DLC1: variants seen among roughly 807,000 people sequenced by gnomAD.
The protein encoded by DLC1 is DLC1 Rho GTPase activating protein.
Under a neutral mutation model 140.3 loss-of-function variants are expected in DLC1, and 54 were observed. That is an observed-to-expected ratio of 0.38 (90% CI 0.31 to 0.48). DLC1 has a LOEUF of 0.48. Among genes scored for constraint, DLC1 ranks in the 20% least tolerant of loss-of-function variants. The pLI is 0.96. For missense variants in DLC1, 2,536 were observed against 1,907.0 expected (o/e 1.33, Z -6.14); for synonymous variants, 986 against 728.1 (o/e 1.35, Z -5.70).
intron 7 of DLC1, among the ~76,000 whole-genome samples, chr8:13,108,364 T>G (rs1819773603): frequency 6.6e-6 from 1 of 152,222 alleles, no homozygotes; most frequent in Non-Finnish European, 1.5e-5. Context: ...TAAGATGTTA[T>G]TCTATGCAGG....
At position 13,514,602 on chromosome 8, in the gene DLC1, C is replaced by A. The variant is rs1802522629; in HGVS notation, c.-126G>T. ...ATAAAGATAGTCCATAGCGTCTTACCTAGACAACGAGGAGCTGAAACGCCA... is the reference window on the plus strand; with the variant it reads ...ATAAAGATAGTCCATAGCGTCTTACATAGACAACGAGGAGCTGAAACGCCA... On this transcript the variant is annotated splice_region_variant and 5_prime_UTR_variant, in exon 1 of 18. The change creates a new upstream start codon in the 5' untranslated region. Coordinates refer to ENST00000276297, the MANE Select transcript of DLC1 (RefSeq NM_182643.3). 2.5e-6 allele frequency: 1 copy of A among 398,528 alleles called. No individual in the cohort carries two copies. 24.7% of individuals were successfully genotyped at this position (398,528 alleles called of 1,614,324 possible). A position where few individuals can be genotyped will look rare whatever the true frequency, so the allele number is the denominator to read the frequency against.
At chr8:13,347,325 A>G (rs1563271529) in intron 4 of DLC1, among the ~76,000 whole-genome samples, 1 of 152,236 alleles carries the variant, frequency 6.6e-6, no homozygotes, top group African/African-American at 2.4e-5. Context: ...ATGGTGATGA[A>G]TAAAGTTTTA....
intron 4 of DLC1, among the ~76,000 whole-genome samples, chr8:13,330,616 G>C (rs1482055453): frequency 6.6e-6 from 1 of 152,092 alleles, no homozygotes; most frequent in African/African-American, 2.4e-5. Flanking sequence ...CTAATCAAGG[G>C]CCTTCCTATC....
intron 5 of DLC1, among the ~76,000 whole-genome samples, chr8:13,282,155 A>G (rs1831386235): frequency 6.6e-6 from 1 of 152,190 alleles, no homozygotes; most frequent in Admixed American, 6.5e-5. Flanking sequence ...ATACCTCACC[A>G]GAATTCTAGC....
At chr8:13,089,071 C>T (rs1039762179) in intron 15 of DLC1, among the ~76,000 whole-genome samples, 1 of 151,826 alleles carries the variant, frequency 6.6e-6, no homozygotes, top group Non-Finnish European at 1.5e-5. Flanking sequence ...CCAGCCTGGC[C>T]AACATGGTGA....
At chr8:13,555,867 T>A (rs927414153) in intron 1 of DLC1, among the ~76,000 whole-genome samples, 2 of 152,046 alleles carry the variant, frequency 1.3e-5, no homozygotes, top group Non-Finnish European at 2.9e-5. Context: ...TGTTACATAT[T>A]AATGGTGCAT....
At chr8:13,356,089 C>CAAAAAAAA (rs372991073) in intron 4 of DLC1, among the ~76,000 whole-genome samples, 4 of 53,342 alleles carry the variant, frequency 7.5e-5, no homozygotes, top group South Asian at 1.3e-3. Flanking sequence ...GACTCCATCT[C>CAAAAAAAA]AAAAAAAAAA....
chr8:13,122,100 C>T (rs971435266), intron 5 of DLC1, among the ~76,000 whole-genome samples: 20 of 152,142 alleles, frequency 1.3e-4, no homozygotes, highest in African/African-American at 4.3e-4. Flanking sequence ...CCAACAAATC[C>T]GTCCTCCTTC....
chr8:13,306,573 TGTGTGTGTGTGAGAGAGA>T (rs1271374424), intron 4 of DLC1, among the ~76,000 whole-genome samples: 2 of 149,708 alleles, frequency 1.3e-5, no homozygotes, highest in Non-Finnish European at 1.5e-5. Flanking sequence ...TGTGTGTGTG[TGTGTGTGTGTGAGAGAGA>T]GAGAGAGAGA....
chr8:13,589,881 A>G (rs999460463), intron 1 of DLC1, among the ~76,000 whole-genome samples: 2 of 151,724 alleles, frequency 1.3e-5, no homozygotes, highest in Admixed American at 6.6e-5. Context: ...GTATAAACCT[A>G]GTGTTTTGGA....
intron 2 of DLC1, among the ~76,000 whole-genome samples, chr8:13,479,201 T>C (rs1179217090): frequency 6.6e-6 from 1 of 152,226 alleles, no homozygotes; most frequent in Non-Finnish European, 1.5e-5. Flanking sequence ...CACTTAATAT[T>C]TGTTTGTTGA....
chr8:13,517,402 C>A (rs190400584), upstream of DLC1, among the ~76,000 whole-genome samples: 2 of 152,266 alleles, frequency 1.3e-5, no homozygotes, highest in African/African-American at 4.8e-5. Flanking sequence ...TTCTCATAAA[C>A]ATACCCTTTT....
chr8:13,166,906 C>T (rs1010136222), intron 5 of DLC1, among the ~76,000 whole-genome samples: 1 of 152,066 alleles, frequency 6.6e-6, no homozygotes, highest in African/African-American at 2.4e-5. Flanking sequence ...GAGAAAATAC[C>T]TTATTTTTTT....
At chr8:13,096,372 G>A (rs1354750719) in intron 10 of DLC1, among the ~76,000 whole-genome samples, 1 of 152,146 alleles carries the variant, frequency 6.6e-6, no homozygotes, top group African/African-American at 2.4e-5. Context: ...CTCCAGAGAA[G>A]ACAGACTGCT....
At chr8:13,495,483 T>G (rs1427711930) in intron 2 of DLC1, among the ~76,000 whole-genome samples, 6 of 152,226 alleles carry the variant, frequency 3.9e-5, no homozygotes, top group Admixed American at 3.9e-4. Flanking sequence ...CACTAACATT[T>G]GCTCACAATT....
intron 5 of DLC1, among the ~76,000 whole-genome samples, chr8:13,191,589 T>C (rs11778809): frequency 0.05 from 7,659 of 152,314 alleles, 214 homozygotes; most frequent in Non-Finnish European, 0.066. Flanking sequence ...GTATTTAAGA[T>C]GCCCCGAGAA....
intron 5 of DLC1, among the ~76,000 whole-genome samples, chr8:13,146,553 T>C (rs1263140843): frequency 5.3e-5 from 8 of 151,802 alleles, no homozygotes; most frequent in Non-Finnish European, 8.8e-5. Flanking sequence ...TTAATAATAA[T>C]AGTAGTCATA....
intron 4 of DLC1, among the ~76,000 whole-genome samples, chr8:13,374,274 C>G (rs1835862197): frequency 6.6e-6 from 1 of 151,296 alleles, no homozygotes; most frequent in Non-Finnish European, 1.5e-5. Context: ...CAAAGGAGGT[C>G]AAAGGTCATG....
intron 2 of DLC1, among the ~76,000 whole-genome samples, chr8:13,425,065 C>G (rs1042909189): frequency 1.3e-5 from 2 of 151,450 alleles, no homozygotes; most frequent in Admixed American, 6.6e-5. Context: ...GTTTTGAAAC[C>G]CTGCTAAGTA....
Sources: gnomAD v4.1 joint callset for allele counts (sites outside exome capture counted in the v4.1 genomes callset) on GRCh38, gnomAD v4.1.1 for gene constraint, MANE v1.5 for transcripts, NCBI Gene and HGNC (gene_info 2026-07-23, HGNC 2026-07-21) for gene names.